DENND1A: variants seen among roughly 807,000 people sequenced by gnomAD.
DENND1A encodes DENN domain containing 1A.
A neutral mutation model predicts 113.7 loss-of-function variants in DENND1A; 51 were observed. The observed-to-expected ratio is 0.45, with a 90% CI of 0.36 to 0.57. The LOEUF (loss-of-function observed/expected upper bound fraction) is 0.57, where lower values mean the gene tolerates loss of function less well. Ranked by LOEUF, DENND1A falls within the 20% of genes least tolerant of loss-of-function variation. The probability of loss-of-function intolerance (pLI) is 0.00; values close to 1 mark genes in which losing one functional copy is unlikely to be tolerated. For synonymous variants in DENND1A, 565 were observed against 570.8 expected (o/e 0.99, Z 0.14); for missense variants, 1,258 against 1,395.9 (o/e 0.90, Z 1.57).
intron 13 of DENND1A, among the ~76,000 whole-genome samples, chr9:123,535,319 A>T (rs2055664452): frequency 6.6e-6 from 1 of 152,174 alleles, no homozygotes; most frequent in African/African-American, 2.4e-5. Context: ...GGTGGTGTGC[A>T]TCTGTAGTCC....
At chr9:123,683,464 C>T (rs1337299933) in intron 5 of DENND1A, among the ~76,000 whole-genome samples, 2 of 152,150 alleles carry the variant, frequency 1.3e-5, no homozygotes, top group African/African-American at 4.8e-5. Context: ...CTCCTCTCCC[C>T]ACAATACTTG....
intron 13 of DENND1A, among the ~76,000 whole-genome samples, chr9:123,549,053 T>C (rs1050878134): frequency 6.6e-6 from 1 of 152,224 alleles, no homozygotes; most frequent in African/African-American, 2.4e-5. Flanking sequence ...ATGGTTAAAA[T>C]AGCACATCTT....
intron 5 of DENND1A, among the ~76,000 whole-genome samples, chr9:123,721,592 G>A (rs1426690944): frequency 1.3e-5 from 2 of 152,322 alleles, no homozygotes; most frequent in East Asian, 1.9e-4. Flanking sequence ...CATATGTCGT[G>A]GGAGCAACCC....
intron 2 of DENND1A, among the ~76,000 whole-genome samples, chr9:123,836,900 A>T (rs1054226738): frequency 6.6e-6 from 1 of 152,226 alleles, no homozygotes; most frequent in Non-Finnish European, 1.5e-5. Context: ...TATTGCATAA[A>T]ATAGGCTACA....
intron 13 of DENND1A, among the ~76,000 whole-genome samples, chr9:123,489,779 ACTCAGTCTC>A (rs1278415506): frequency 6.6e-6 from 1 of 152,156 alleles, no homozygotes; most frequent in Non-Finnish European, 1.5e-5. Flanking sequence ...AACTGGAGAA[ACTCAGTCTC>A]CTTATGGGCA....
chr9:123,744,760 T>A (rs2069330863), intron 5 of DENND1A, among the ~76,000 whole-genome samples: 1 of 150,590 alleles, frequency 6.6e-6, no homozygotes, highest in Non-Finnish European at 1.5e-5. Context: ...ATTCTTTACT[T>A]ATATTAGCTC....
At chr9:123,843,052 T>G in intron 2 of DENND1A, 3 of 509,730 alleles carry the variant, frequency 5.9e-6, no homozygotes, top group South Asian at 4.5e-5. Flanking sequence ...GATACTGACA[T>G]CAAAAAACTA....
At chr9:123,773,828 G>C (rs532773643) in intron 3 of DENND1A, among the ~76,000 whole-genome samples, 5 of 152,296 alleles carry the variant, frequency 3.3e-5, no homozygotes, top group Non-Finnish European at 1.5e-5. Flanking sequence ...AATGCAGGGA[G>C]ATGAGGCATA....
At chr9:123,620,213 CAAAAAAAAAA>C (rs34196587) in intron 10 of DENND1A, among the ~76,000 whole-genome samples, 3 of 59,052 alleles carry the variant, frequency 5.1e-5, no homozygotes, top group African/African-American at 3.2e-4. Context: ...GACTCCATCT[CAAAAAAAAAA>C]AAAAAAAAAA....
chr9:123,385,830 C>G (rs2042535921), intron 22 of DENND1A, among the ~76,000 whole-genome samples: 2 of 152,194 alleles, frequency 1.3e-5, no homozygotes, highest in African/African-American at 4.8e-5. Flanking sequence ...CCCTCACTCA[C>G]CCTGACCAAG....
Position 123,381,091 on chromosome 9 carries a change from C to G in DENND1A, c.*341G>C. ...GGGAGGCCTTCGGAGCCTCTTGGGA[C>G]ACTTCCGGGGGAAGGTGGGTAGGAC... is the stretch of plus-strand genomic sequence containing the variant. On this transcript the variant is annotated 3_prime_UTR_variant, in exon 24 of 24. Coordinates refer to ENST00000394215, the MANE Select transcript of DENND1A (RefSeq NM_001352964.2). The surrounding 1 kb of genome is among the most constrained non-coding windows in gnomAD (Gnocchi z 4.7). 1 of 292,188 alleles carries G rather than the reference C, an allele frequency of 3.4e-6. No homozygotes were observed. Among genetic ancestry groups the G allele is most frequent in the Non-Finnish European group, 6.5e-6 (1 of 153,946 alleles). 18.1% of individuals were successfully genotyped at this position (292,188 alleles called of 1,614,324 possible).
intron 3 of DENND1A, among the ~76,000 whole-genome samples, chr9:123,782,479 TTA>T (rs952312836): frequency 2.0e-5 from 3 of 152,242 alleles, no homozygotes; most frequent in Non-Finnish European, 4.4e-5. Flanking sequence ...CAGTCACTTA[TTA>T]TATATTAAAT....
chr9:123,791,045 T>C (rs527604402), intron 3 of DENND1A, among the ~76,000 whole-genome samples: 1 of 152,286 alleles, frequency 6.6e-6, no homozygotes, highest in South Asian at 2.1e-4. Flanking sequence ...AAAGAAATCA[T>C]GTTGTTCAAA....
At chr9:123,538,855 T>C (rs7025898) in intron 13 of DENND1A, among the ~76,000 whole-genome samples, 8,617 of 101,216 alleles carry the variant, frequency 0.085, 908 homozygotes, top group Admixed American at 0.1. Context: ...TATATATATA[T>C]ATATGAATTC....
At chr9:123,837,972 G>A (rs756278152) in intron 2 of DENND1A, among the ~76,000 whole-genome samples, 1 of 152,082 alleles carries the variant, frequency 6.6e-6, no homozygotes, top group Non-Finnish European at 1.5e-5. Context: ...TTAAAAATAC[G>A]AAACAACTTG....
intron 12 of DENND1A, among the ~76,000 whole-genome samples, chr9:123,574,273 T>G (rs2058518733): frequency 6.6e-6 from 1 of 151,862 alleles, no homozygotes; most frequent in South Asian, 2.1e-4. Flanking sequence ...CTTTTACTTC[T>G]GTTTTTTGAA....
At chr9:123,872,282 A>G (rs73669007) in intron 2 of DENND1A, among the ~76,000 whole-genome samples, 12,744 of 152,280 alleles carry the variant, frequency 0.084, 1,122 homozygotes, top group African/African-American at 0.22. Flanking sequence ...CAAGCATTAT[A>G]CACAAAGATG....
At chr9:123,907,637 A>C (rs1265503188) in intron 1 of DENND1A, among the ~76,000 whole-genome samples, 2 of 149,858 alleles carry the variant, frequency 1.3e-5, no homozygotes, top group African/African-American at 5.0e-5. Context: ...TCCAACTTAC[A>C]AGGGATGTGA....
At chr9:123,802,894 G>T (rs1381877471) in intron 2 of DENND1A, among the ~76,000 whole-genome samples, 1 of 152,042 alleles carries the variant, frequency 6.6e-6, no homozygotes, top group Admixed American at 6.5e-5. Flanking sequence ...TAGAGTCGGG[G>T]TTTCTCTGTG....
Sources: gnomAD v4.1 joint callset for allele counts (sites outside exome capture counted in the v4.1 genomes callset) on GRCh38, gnomAD v4.1.1 for gene constraint, Gnocchi (gnomAD v3.1) non-coding constraint, MANE v1.5 for transcripts, NCBI Gene and HGNC (gene_info 2026-07-23, HGNC 2026-07-21) for gene names.